SMAD4: variants seen among roughly 807,000 people sequenced by gnomAD.
SMAD4 encodes the protein SMAD family member 4.
SMAD4 carries 7 observed loss-of-function variants against 63.2 expected under a neutral mutation model. The observed-to-expected ratio is 0.11, with a 90% CI of 0.06 to 0.21. The LOEUF is 0.21. Among genes scored for constraint, SMAD4 ranks in the 10% least tolerant of loss-of-function variants. The pLI is 1.00. For missense variants in SMAD4, 312 were observed against 693.8 expected, an observed-to-expected ratio of 0.45 and a Z score of 6.18; for synonymous variants, 215 against 235.4, an observed-to-expected ratio of 0.91 and a Z score of 0.79.
rs1447557726 is a variant in SMAD4, at chr18:51,081,684, G to C, written c.*3217G>C. 1 of 232,750 alleles carries C rather than the reference G, an allele frequency of 4.3e-6. No homozygotes were observed. Among genetic ancestry groups the C allele is most frequent in the Non-Finnish European group, 8.5e-6 (1 of 117,840 alleles). 14.4% of individuals were successfully genotyped at this position (232,750 alleles called of 1,614,324 possible). A position where few individuals can be genotyped will look rare whatever the true frequency, so the allele number is the denominator to read the frequency against. On this transcript the variant is annotated 3_prime_UTR_variant, in exon 12 of 12. Transcript: ENST00000342988. ...CCATTTTTGTGGGGCAGGGTGTGGT[G>C]TGTAAAGGGGGGTGTTTGTAATACA...
At chr18:51,036,630 G>T (rs917810808) in intron 1 of SMAD4, among the ~76,000 whole-genome samples, 2 of 152,156 alleles carry the variant, frequency 1.3e-5, no homozygotes, top group African/African-American at 4.8e-5. Context: ...TATATAATTA[G>T]TCTTTTTAAT....
chr18:51,073,361 T>TTATATATA (rs35099364), intron 10 of SMAD4, among the ~76,000 whole-genome samples: 686 of 21,924 alleles, frequency 0.031, 55 homozygotes, highest in South Asian at 0.061. Context: ...CCAGATAACA[T>TTATATATA]TATATATATA....
chr18:51,066,885 G>A, intron 9 of SMAD4, 134 bp from the exon 10 acceptor site: 1 of 692,656 alleles, frequency 1.4e-6, no homozygotes. Flanking sequence ...ATACAAAAAT[G>A]TTAATAGCTA....
At chr18:51,030,793 C>G (rs1909022984) in intron 1 of SMAD4, among the ~76,000 whole-genome samples, 170 bp downstream of exon 1, 1 of 151,444 alleles carries the variant, frequency 6.6e-6, no homozygotes, top group Admixed American at 6.6e-5. Flanking sequence ...CCGGGCCGGG[C>G]GGGCCGGCTG....
At chr18:51,054,197 C>T (rs1909779851) in intron 4 of SMAD4, 1 of 153,580 alleles carries the variant, frequency 6.5e-6, no homozygotes, top group Non-Finnish European at 1.5e-5. Context: ...TTCAGTTTGA[C>T]TTTTCATTTA....
chr18:51,082,672 CAG>C lies in SMAD4; in HGVS notation c.*4207_*4208del, dbSNP rs1472170874. 1 of 231,084 alleles carries C rather than the reference CAG, an allele frequency of 4.3e-6. No homozygotes were observed. Among genetic ancestry groups the C allele is most frequent in the Non-Finnish European group, 8.5e-6 (1 of 117,110 alleles). 14.3% of individuals were successfully genotyped at this position (231,084 alleles called of 1,614,324 possible). A position where few individuals can be genotyped will look rare whatever the true frequency, so the allele number is the denominator to read the frequency against. ...TTGTGGACTTCAGGGGCTTCTAAAACAGACAGGACTGTGTTGCCTTTACTAAA... is the reference window on the plus strand; with the variant it reads ...TTGTGGACTTCAGGGGCTTCTAAAACACAGGACTGTGTTGCCTTTACTAAA... On this transcript the variant is annotated 3_prime_UTR_variant, in exon 12 of 12. Transcript: ENST00000342988.
At chr18:51,057,997 G>C (rs1202555623) in intron 5 of SMAD4, 128 bp from the exon 6 acceptor site, 3 of 1,080,000 alleles carry the variant, frequency 2.8e-6, no homozygotes, top group Non-Finnish European at 4.2e-6. Context: ...TAGGCCATGG[G>C]TGAGTTACAC....
chr18:51,072,848 C>A (rs1910353918), intron 10 of SMAD4, among the ~76,000 whole-genome samples: 1 of 152,116 alleles, frequency 6.6e-6, no homozygotes, highest in Non-Finnish European at 1.5e-5. Flanking sequence ...CCTTTGTCAA[C>A]AATTTAGTCA....
intron 1 of SMAD4, among the ~76,000 whole-genome samples, chr18:51,032,502 C>T (rs1313626711): frequency 6.6e-6 from 1 of 152,168 alleles, no homozygotes; most frequent in Non-Finnish European, 1.5e-5. Context: ...TAGGAAGCAG[C>T]AAATCTTACT....
intron 2 of SMAD4, 52 bp downstream of exon 2, chr18:51,047,347 C>G (rs1568203076): frequency 1.3e-6 from 2 of 1,552,186 alleles, no homozygotes; most frequent in Admixed American, 1.7e-5. Context: ...GATTTAAAAA[C>G]TTGCTACGTT....
At chr18:51,044,683 G>A (rs1036542979) in intron 1 of SMAD4, among the ~76,000 whole-genome samples, 3 of 152,148 alleles carry the variant, frequency 2.0e-5, no homozygotes, top group East Asian at 1.9e-4. Context: ...GTGAGCCACC[G>A]TGCCTGGCCA....
intron 10 of SMAD4, among the ~76,000 whole-genome samples, chr18:51,068,673 C>G (rs1334926102): frequency 6.6e-6 from 1 of 152,156 alleles, no homozygotes; most frequent in Non-Finnish European, 1.5e-5. Flanking sequence ...AATCTTAGCA[C>G]TTTCGGAGGC....
intron 1 of SMAD4, among the ~76,000 whole-genome samples, chr18:51,044,166 A>G (rs1006132958): frequency 5.3e-5 from 8 of 152,008 alleles, no homozygotes; most frequent in Admixed American, 4.6e-4. Flanking sequence ...TTTCCTTTCT[A>G]CTGAGTCTCA....
Position 51,047,366 on chromosome 18 carries a change from A to C in SMAD4, c.249+71A>C. 47 of 1,356,258 alleles carry C rather than the reference A, an allele frequency of 3.5e-5. No individual in the cohort carries two copies. In the South Asian group the frequency reaches 5.5e-4, roughly 16 times the overall value. 84.0% of individuals were successfully genotyped at this position (1,356,258 alleles called of 1,614,324 possible). A position where few individuals can be genotyped will look rare whatever the true frequency, so the allele number is the denominator to read the frequency against. On this transcript the variant is annotated intron_variant, in intron 2 of 11. Coordinates refer to ENST00000342988, the MANE Select transcript of SMAD4 (RefSeq NM_005359.6). The stretch of plus-strand genomic sequence containing the variant: ...TAAAAACTTGCTACGTTTCCTTTCA[A>C]GCTACTACAGGGTAATTTAATTTGT...
chr18:51,044,905 G>C (rs1909494897), intron 1 of SMAD4: 2 of 152,136 alleles, frequency 1.3e-5, no homozygotes, highest in South Asian at 4.1e-4. Flanking sequence ...TGGTTATTTG[G>C]AAAGTGTACC....
At chr18:51,046,462 CTT>C (rs1416646047) in intron 1 of SMAD4, among the ~76,000 whole-genome samples, 2 of 140,442 alleles carry the variant, frequency 1.4e-5, no homozygotes, top group Admixed American at 1.4e-4. Context: ...TAATTGGTCT[CTT>C]TTAACAAAGG....
chr18:51,038,419 A>T (rs775354045), intron 1 of SMAD4, among the ~76,000 whole-genome samples: 1 of 152,228 alleles, frequency 6.6e-6, no homozygotes, highest in African/African-American at 2.4e-5. Context: ...ACCAGAGCCA[A>T]AAAGTTCACT....
intron 4 of SMAD4, chr18:51,053,274 A>G (rs1909756160): frequency 1.3e-5 from 2 of 152,162 alleles, no homozygotes; most frequent in Admixed American, 6.5e-5. Context: ...AAAAAAACCT[A>G]AGATGTCCAG....
At chr18:51,043,043 GTATT>G (rs779297127) in intron 1 of SMAD4, among the ~76,000 whole-genome samples, 14 of 152,168 alleles carry the variant, frequency 9.2e-5, no homozygotes, top group South Asian at 4.1e-4. Context: ...GCATGCCTGA[GTATT>G]TATAGGTGGA....
Sources: allele counts gnomAD v4.1 joint callset (sites outside exome capture counted in the v4.1 genomes callset), GRCh38; gene constraint gnomAD v4.1.1; transcripts MANE v1.5; gene names NCBI Gene and HGNC (gene_info 2026-07-23, HGNC 2026-07-21).